IGF2R: variants seen among roughly 807,000 people sequenced by gnomAD.
IGF2R encodes insulin like growth factor 2 receptor, also known as cation-independent mannose-6-phosphate receptor.
In IGF2R, 91 loss-of-function variants were observed where a neutral mutation model predicts 270.6. The ratio of observed to expected loss-of-function variants is 0.34; its 90% CI spans 0.28 to 0.40. The LOEUF is 0.40. Ranked by LOEUF, IGF2R falls within the 10% of genes least tolerant of loss-of-function variation. IGF2R has a pLI of 1.00. For missense variants in IGF2R, 2,805 were observed against 3,188.3 expected, an observed-to-expected ratio of 0.88 and a Z score of 2.90; for synonymous variants, 1,316 against 1,258.9, an observed-to-expected ratio of 1.05 and a Z score of -0.96.
At chr6:160,063,992 C>T (rs562657643) in intron 27 of IGF2R, among the ~76,000 whole-genome samples, 96 of 152,316 alleles carry the variant, frequency 6.3e-4, no homozygotes, top group African/African-American at 1.9e-3. Context: ...CGAGGTTTGG[C>T]TGTAGAAATT....
At chr6:159,983,384 G>C (rs994859801) in intron 1 of IGF2R, among the ~76,000 whole-genome samples, 24 of 152,166 alleles carry the variant, frequency 1.6e-4, no homozygotes, top group African/African-American at 5.8e-4. Context: ...TCAAGCAAAT[G>C]AGGTTAAAAT....
chr6:159,986,722 G>T (rs1480225735), intron 1 of IGF2R, among the ~76,000 whole-genome samples: 1 of 150,284 alleles, frequency 6.7e-6, no homozygotes, highest in African/African-American at 2.4e-5. Flanking sequence ...TTTTCTCTTT[G>T]ATTGAATATA....
chr6:159,993,610 T>C (rs1408657038), intron 2 of IGF2R, among the ~76,000 whole-genome samples: 3 of 152,236 alleles, frequency 2.0e-5, no homozygotes, highest in Non-Finnish European at 2.9e-5. Context: ...CCATGCTGTT[T>C]GATTACTATA....
chr6:159,997,243 C>T lies in IGF2R; in HGVS notation c.289+5920C>T, dbSNP rs541059966. ...CTTTCTTCCCTTAGGAGCAGCACTC[C>T]CTGAGGGTAGATCTCTGGGAACCCT... is the stretch of plus-strand genomic sequence containing the variant. On this transcript the variant is annotated intron_variant, in intron 2 of 47. Transcript: ENST00000356956. 2.4e-4 allele frequency among the ~76,000 whole-genome samples: 36 copies of T among 152,270 alleles called. 1 individual carries two copies. The East Asian group carries it at 5.0e-3, about 21-fold the overall frequency.
At position 160,079,791 on chromosome 6, in the gene IGF2R, A is replaced by G; in HGVS notation, c.5686+4A>G. On this transcript the variant is annotated splice_donor_region_variant and intron_variant, in intron 38 of 47. Transcript: ENST00000356956. Reference sequence around the variant, plus strand: ...AATGGTGATCGTTGCCCTCCAGGTAAATATTTGCAATGAGGTAAATAAACT... The same window carrying G: ...AATGGTGATCGTTGCCCTCCAGGTAGATATTTGCAATGAGGTAAATAAACT... 6.9e-7 allele frequency: 1 copy of G among 1,448,712 alleles called. No individual in the cohort carries two copies. Among genetic ancestry groups the G allele is most frequent in the Non-Finnish European group, 9.1e-7 (1 of 1,095,844 alleles). 89.7% of individuals were successfully genotyped at this position (1,448,712 alleles called of 1,614,324 possible).
intron 22 of IGF2R, among the ~76,000 whole-genome samples, chr6:160,060,127 CAGTG>C (rs1278304204): frequency 6.6e-6 from 1 of 150,968 alleles, no homozygotes; most frequent in Non-Finnish European, 1.5e-5. Context: ...GCCACCGTTG[CAGTG>C]AGTGTGTAAA....
At chr6:160,086,232 C>T (rs866528311) in intron 41 of IGF2R, among the ~76,000 whole-genome samples, 2 of 152,200 alleles carry the variant, frequency 1.3e-5, no homozygotes, top group Non-Finnish European at 2.9e-5. Context: ...AGTCCAGCCT[C>T]GCCTGGCGGG....
chr6:159,972,290 T>C (rs1244787035), intron 1 of IGF2R, among the ~76,000 whole-genome samples: 1 of 152,226 alleles, frequency 6.6e-6, no homozygotes, highest in Non-Finnish European at 1.5e-5. Flanking sequence ...TTTTTGCTGC[T>C]TGGTCACATG....
At chr6:160,103,605 C>A in intron 46 of IGF2R, 141 bp from the exon 47 acceptor site, 1 of 660,502 alleles carries the variant, frequency 1.5e-6, no homozygotes, top group South Asian at 1.7e-5. Flanking sequence ...CACGGCTACT[C>A]ATTTGTCATT....
chr6:159,974,725 A>G (rs1379826997), intron 1 of IGF2R, among the ~76,000 whole-genome samples: 1 of 152,032 alleles, frequency 6.6e-6, no homozygotes, highest in Admixed American at 6.5e-5. Context: ...CCCCTCCCCC[A>G]GTGGTAACAA....
At chr6:160,060,832 C>T (rs1778423412) in intron 23 of IGF2R, 115 bp downstream of exon 23, 5 of 927,666 alleles carry the variant, frequency 5.4e-6, no homozygotes, top group Non-Finnish European at 8.2e-6. Flanking sequence ...GGTGTGTATG[C>T]TTGGTTATGC....
intron 23 of IGF2R, 137 bp downstream of exon 23, chr6:160,060,854 CATTTCTGTTATAT>C (rs1469804823): frequency 1.4e-6 from 1 of 728,048 alleles, no homozygotes; most frequent in African/African-American, 1.8e-5. Flanking sequence ...GGCAGCGTGA[CATTTCTGTTATAT>C]ATTCTCTTTG....
Position 160,050,475 on chromosome 6 carries a change from C to T in IGF2R, c.2517C>T (p.Gly839=), listed in dbSNP as rs752574611. Residue 839 remains glycine (G), a splice_region_variant and synonymous_variant, in exon 19 of 48, where the codon GGC becomes GGT. Coordinates refer to ENST00000356956, the MANE Select transcript of IGF2R (RefSeq NM_000876.4). The surrounding 1 kb of genome is among the most constrained non-coding windows in gnomAD (Gnocchi z 4.0). ...TAACAAGACTGGTTTTCTTGCAGGG[C>T]TCCTTCACTGAAGTGGTTTCCATCA... The part of the protein sequence containing the change: ...ACQMKYEKDQ[G]SFTEVVSISN... 3 of 1,607,004 alleles carry T rather than the reference C, an allele frequency of 1.9e-6. No individual in the cohort carries two copies. The Admixed American group carries it at 5.0e-5, about 27-fold the overall frequency.
chr6:160,068,160 C>A, intron 29 of IGF2R, 89 bp from the exon 30 acceptor site: 1 of 1,498,982 alleles, frequency 6.7e-7, no homozygotes, highest in African/African-American at 1.4e-5. Context: ...TAGACTATGC[C>A]TGAATACTTG....
At chr6:159,969,502 C>G in intron 1 of IGF2R, 107 bp downstream of exon 1, 2 of 836,430 alleles carry the variant, frequency 2.4e-6, no homozygotes, top group Non-Finnish European at 3.0e-6. Context: ...CAAGTCGCCT[C>G]CGTTCCGCGC....
chr6:160,059,297 A>G (rs1314316272), intron 22 of IGF2R, among the ~76,000 whole-genome samples, 199 bp downstream of exon 22: 3 of 152,162 alleles, frequency 2.0e-5, no homozygotes, highest in African/African-American at 7.2e-5. Context: ...CCGTGGCTTC[A>G]CTTTTGTGGT....
chr6:159,980,228 A>AAGG (rs1554234683), intron 1 of IGF2R, among the ~76,000 whole-genome samples: 1 of 135,126 alleles, frequency 7.4e-6, no homozygotes, highest in East Asian at 2.2e-4. Flanking sequence ...AGAAAGAAAG[A>AAGG]AAGAAAGAAA....
Position 160,102,570 on chromosome 6 carries a change from G to C in IGF2R, c.6894G>C (p.Gly2298=). The C allele has an allele frequency of 6.2e-7, 1 of 1,613,552 alleles. No individual in the cohort carries two copies. The highest frequency in any genetic ancestry group is 1.1e-5 in the South Asian group (1 of 91,052). The change falls in exon 46 of 48, where the codon GGG becomes GGC. Residue 2298 remains glycine (G), a synonymous_variant. Transcript: ENST00000356956. This position sits in a 1 kb window ranked among gnomAD's most constrained non-coding sequence, Gnocchi z 4.5. ...NPGDDGQMHK[G]LSERSQAVGA... Reference sequence around the variant, plus strand: ...GGGACGACGGGCAGATGCACAAGGGGCTGTCAGAACGGAGCCAGGCAGTCG... The same window carrying C: ...GGGACGACGGGCAGATGCACAAGGGCCTGTCAGAACGGAGCCAGGCAGTCG...
chr6:159,982,968 G>A (rs1783828474), intron 1 of IGF2R, among the ~76,000 whole-genome samples: 1 of 152,212 alleles, frequency 6.6e-6, no homozygotes, highest in Admixed American at 6.5e-5. Flanking sequence ...CAAGCATTGA[G>A]TGATGGCATA....
Sources: gnomAD v4.1 joint callset for allele counts (sites outside exome capture counted in the v4.1 genomes callset) on GRCh38, gnomAD v4.1.1 for gene constraint, Gnocchi (gnomAD v3.1) non-coding constraint, MANE v1.5 for transcripts, NCBI Gene and HGNC (gene_info 2026-07-23, HGNC 2026-07-21) for gene names.